SASH1: variants seen among roughly 807,000 people sequenced by gnomAD.
The protein encoded by SASH1 is SAM and SH3 domain-containing protein 1.
A neutral mutation model predicts 125.2 loss-of-function variants in SASH1; 44 were observed. That is an observed-to-expected ratio of 0.35 (90% CI 0.28 to 0.45). The LOEUF (loss-of-function observed/expected upper bound fraction) is 0.45, where lower values mean the gene tolerates loss of function less well. SASH1 is among the 20% of genes least tolerant of loss of function. The probability of loss-of-function intolerance (pLI) is 1.00; values close to 1 mark genes in which losing one functional copy is unlikely to be tolerated. For missense variants in SASH1, 1,426 were observed against 1,614.5 expected, an observed-to-expected ratio of 0.88 and a Z score of 2.00; for synonymous variants, 639 against 649.1, an observed-to-expected ratio of 0.98 and a Z score of 0.24.
Position 148,544,334 on chromosome 6 carries a change from A to T in SASH1, c.2864A>T (p.His955Leu), listed in dbSNP as rs370583920. The T allele has an allele frequency of 8.1e-6, 13 of 1,614,060 alleles. No homozygotes were observed. Among genetic ancestry groups the T allele is most frequent in the Non-Finnish European group, 1.0e-5 (12 of 1,180,042 alleles). The change falls in exon 18 of 20, where the codon CAC becomes CTC. Residue 955 changes from histidine (H) to leucine (L), a missense_variant. Around this residue, in one of 3 missense-constraint regions of SASH1, gnomAD observed 634 missense variants for 694.4 expected, o/e 0.91. Coordinates refer to ENST00000367467, the MANE Select transcript of SASH1 (RefSeq NM_015278.5). The surrounding 1 kb of genome is among the most constrained non-coding windows in gnomAD (Gnocchi z 6.4). ...RTPLEGHRKG[H>L]EFEGTHHPLG... The stretch of plus-strand genomic sequence containing the variant: ...CCTCTGGAGGGCCACAGAAAAGGAC[A>T]CGAGTTTGAAGGAACACACCATCCC...
chr6:148,487,054 T>G (rs1418207605), intron 7 of SASH1, among the ~76,000 whole-genome samples: 4 of 137,054 alleles, frequency 2.9e-5, no homozygotes, highest in Admixed American at 7.7e-5. Context: ...GTTTTATATA[T>G]ATGTAAAAAA....
At chr6:148,425,982 G>C (rs1775807461) in intron 2 of SASH1, among the ~76,000 whole-genome samples, 1 of 151,992 alleles carries the variant, frequency 6.6e-6, no homozygotes, top group Non-Finnish European at 1.5e-5. Context: ...GCCAAGGCGG[G>C]CAGATCACCT....
chr6:148,458,049 A>C (rs1777444232), intron 4 of SASH1, among the ~76,000 whole-genome samples: 1 of 152,216 alleles, frequency 6.6e-6, no homozygotes, highest in South Asian at 2.1e-4. Context: ...TGTAACTGAC[A>C]TGTGACTTCA....
chr6:148,433,053 C>A (rs1436412000), intron 2 of SASH1, among the ~76,000 whole-genome samples: 6 of 152,148 alleles, frequency 3.9e-5, no homozygotes, highest in Non-Finnish European at 7.3e-5. Flanking sequence ...TTTCATCTTG[C>A]AATACTTGGG....
intron 1 of SASH1, among the ~76,000 whole-genome samples, chr6:148,304,479 T>C (rs541508738): frequency 2.1e-5 from 3 of 142,146 alleles, no homozygotes; most frequent in East Asian, 4.1e-4. Flanking sequence ...GGCATGGTGG[T>C]GGGCGCCTAT....
At chr6:148,321,369 A>G (rs1562323339) in intron 1 of SASH1, among the ~76,000 whole-genome samples, 1 of 146,890 alleles carries the variant, frequency 6.8e-6, no homozygotes, top group Non-Finnish European at 1.5e-5. Context: ...CAGCCTGGGT[A>G]ACAAGAGTGA....
chr6:148,481,582 G>T (rs761971086), intron 7 of SASH1, among the ~76,000 whole-genome samples: 4 of 152,062 alleles, frequency 2.6e-5, no homozygotes, highest in Non-Finnish European at 5.9e-5. Context: ...TTATTAATTG[G>T]CCTAATTTAA....
At chr6:148,444,323 A>T (rs1431054237) in intron 4 of SASH1, among the ~76,000 whole-genome samples, 1 of 152,224 alleles carries the variant, frequency 6.6e-6, no homozygotes, top group East Asian at 1.9e-4. Context: ...TTAAAGTCTC[A>T]AGTCACAGGA....
chr6:148,442,366 T>G (rs957928853), intron 4 of SASH1, among the ~76,000 whole-genome samples: 1 of 152,110 alleles, frequency 6.6e-6, no homozygotes, highest in African/African-American at 2.4e-5. Flanking sequence ...GTGATCATGC[T>G]TGGGTGAAAG....
At chr6:148,431,789 A>G (rs1776071650) in intron 2 of SASH1, among the ~76,000 whole-genome samples, 2 of 151,862 alleles carry the variant, frequency 1.3e-5, no homozygotes, top group Non-Finnish European at 2.9e-5. Flanking sequence ...CTTTGCAAAT[A>G]GTTAGAGTCT....
intron 16 of SASH1, among the ~76,000 whole-genome samples, chr6:148,537,972 A>G (rs1781967269): frequency 6.6e-6 from 1 of 152,100 alleles, no homozygotes; most frequent in Non-Finnish European, 1.5e-5. Context: ...TCAGCGTTCT[A>G]GCTTATCTTC....
chr6:148,401,785 T>TGG lies in SASH1; in HGVS notation c.285+11529_285+11530dup, dbSNP rs397704156. On this transcript the variant is annotated intron_variant, in intron 2 of 19. Coordinates refer to ENST00000367467, the MANE Select transcript of SASH1 (RefSeq NM_015278.5). ...ATTCGTGAACATCTGGATGTGTGTGTGGGGGGGTGTATGTTTTTTTTTAGT... is the reference window on the plus strand; with the variant it reads ...ATTCGTGAACATCTGGATGTGTGTGTGGGGGGGGGTGTATGTTTTTTTTTAGT... Among the ~76,000 whole-genome samples, 34 of 151,856 alleles carry TGG rather than the reference T, an allele frequency of 2.2e-4. No homozygotes were observed. In the East Asian group the frequency reaches 4.3e-3, roughly 19 times the overall value.
the SASH1 span, among the ~76,000 whole-genome samples, chr6:148,240,488 T>C: frequency 1.3e-5 from 2 of 152,206 alleles, no homozygotes; most frequent in Admixed American, 6.5e-5. Context: ...TAAGTCATTA[T>C]TTTCCCCCTA....
At chr6:148,261,099 C>G in the SASH1 span, among the ~76,000 whole-genome samples, 1 of 152,138 alleles carries the variant, frequency 6.6e-6, no homozygotes, top group Non-Finnish European at 1.5e-5. Context: ...GCCACTGCGC[C>G]CGGCATAAGG....
chr6:148,337,466 C>T (rs773591044), intron 1 of SASH1, among the ~76,000 whole-genome samples: 7 of 152,066 alleles, frequency 4.6e-5, no homozygotes, highest in Non-Finnish European at 7.4e-5. Context: ...CCTCGTGATC[C>T]GCCCACCTCG....
chr6:148,214,847 G>T, the SASH1 span, among the ~76,000 whole-genome samples: 1 of 152,120 alleles, frequency 6.6e-6, no homozygotes, highest in African/African-American at 2.4e-5. Flanking sequence ...AGTCTGTAGG[G>T]GCTCAATGTG....
At chr6:148,306,286 T>C (rs531491859) in intron 1 of SASH1, among the ~76,000 whole-genome samples, 1 of 152,282 alleles carries the variant, frequency 6.6e-6, no homozygotes, top group East Asian at 1.9e-4. Context: ...GAAGTCAGGA[T>C]GCCATCTATA....
At chr6:148,409,672 A>G (rs1784536832) in intron 2 of SASH1, among the ~76,000 whole-genome samples, 2 of 152,246 alleles carry the variant, frequency 1.3e-5, no homozygotes, top group African/African-American at 2.4e-5. Flanking sequence ...GTGGTGGCTC[A>G]CGCCTGTAAT....
In SASH1 at chr6:148,326,414, C is replaced by CTTTTCTTTTTT. The variant is rs57839850; in HGVS notation, n.74+54041_74+54042insCTTTTTTTTTT. Among the ~76,000 whole-genome samples, 7 of 84,058 alleles carry CTTTTCTTTTTT rather than the reference C, an allele frequency of 8.3e-5. No individual in the cohort carries two copies. The South Asian group carries it at 2.7e-3, about 32-fold the overall frequency. The allele number at this position is 84,058 out of a possible 152,430, so 55.1% of individuals were successfully genotyped here. A position where few individuals can be genotyped will look rare whatever the true frequency, so the allele number is the denominator to read the frequency against. On this transcript the variant is annotated intron_variant and non_coding_transcript_variant, in intron 1 of 3. Transcript: ENST00000367469. ...CTTTTCTTTTCTTTTCTTTTCTTTT[C>CTTTTCTTTTTT]TTTTTTTTGAGACAGGGTCTCACTC...
Sources: gnomAD v4.1 joint callset for allele counts (sites outside exome capture counted in the v4.1 genomes callset) on GRCh38, gnomAD v4.1.1 for gene constraint, gnomAD v4.1.1 regional missense constraint, Gnocchi (gnomAD v3.1) non-coding constraint, MANE v1.5 for transcripts, NCBI Gene and HGNC (gene_info 2026-07-23, HGNC 2026-07-21) for gene names.